The following ZNF562 variants were observed in gnomAD, a reference collection of about 807,000 sequenced individuals.
ZNF562 encodes the protein zinc finger protein 562.
Under a neutral mutation model 17.5 loss-of-function variants are expected in ZNF562, and 13 were observed. The observed-to-expected ratio is 0.74, with a 90% confidence interval of 0.48 to 1.18. The LOEUF (loss-of-function observed/expected upper bound fraction) is 1.18. Ranked by LOEUF, ZNF562 falls within the 50% of genes most tolerant of loss-of-function variation. ZNF562 has a pLI of 0.00. For synonymous variants in ZNF562, 163 were observed against 165.4 expected (o/e 0.99, Z 0.11); for missense variants, 481 against 498.5 (o/e 0.96, Z 0.33).
chr19:9,671,525 A>G (rs1328568238), intron 1 of ZNF562, among the ~76,000 whole-genome samples: 3 of 152,236 alleles, frequency 2.0e-5, no homozygotes, highest in Non-Finnish European at 2.9e-5. Context: ...ACTACCATCC[A>G]TAGACCTCTT....
At chr19:9,655,713 CTTTCTTTTTTTTTTTTTTTTT>C (rs1427538749) in intron 5 of ZNF562, among the ~76,000 whole-genome samples, 378 of 54,590 alleles carry the variant, frequency 6.9e-3, no homozygotes, top group African/African-American at 0.025. Flanking sequence ...ACTTTCTTTT[CTTTCTTTTTTTTTTTTTTTTT>C]TTTTTTTTTT....
rs1568252797 is a variant in ZNF562, at chr19:9,649,172, C to G, written c.*3777G>C. The G allele has an allele frequency of 1.3e-5, 2 of 152,164 alleles. No individual in the cohort carries two copies. Among genetic ancestry groups the G allele is most frequent in the Admixed American group, 1.3e-4 (2 of 15,276 alleles). 9.4% of individuals were successfully genotyped at this position (152,164 alleles called of 1,614,324 possible). A position where few individuals can be genotyped will look rare whatever the true frequency, so the allele number is the denominator to read the frequency against. On this transcript the variant is annotated 3_prime_UTR_variant, in exon 6 of 6. Coordinates refer to ENST00000453372, the MANE Select transcript of ZNF562 (RefSeq NM_001130031.2). ...ATAAATTGTAAAGATTTCATGGACA[C>G]TTATCACTTCCCCAGTCAATACCCT...
intron 1 of ZNF562, among the ~76,000 whole-genome samples, chr19:9,662,905 T>A (rs76427831): frequency 0.1 from 15,579 of 151,624 alleles, 1,104 homozygotes; most frequent in Admixed American, 0.21. Context: ...TCCAACCTAC[T>A]CAGGAGGCTA....
chr19:9,659,659 T>C (rs547209243), intron 2 of ZNF562, among the ~76,000 whole-genome samples, 192 bp from the exon 3 acceptor site: 1 of 152,206 alleles, frequency 6.6e-6, no homozygotes, highest in South Asian at 2.1e-4. Context: ...TGGGCTGAGC[T>C]GCCTGTTGTG....
chr19:9,655,717 C>CTTTCTTTTTTTTTTT (rs2043447309), intron 5 of ZNF562, among the ~76,000 whole-genome samples: 8 of 48,678 alleles, frequency 1.6e-4, no homozygotes, highest in African/African-American at 5.7e-4. Context: ...TCTTTTCTTT[C>CTTTCTTTTTTTTTTT]TTTTTTTTTT....
At chr19:9,659,951 A>C (rs2043666563) in intron 2 of ZNF562, among the ~76,000 whole-genome samples, 2 of 118,340 alleles carry the variant, frequency 1.7e-5, no homozygotes, top group East Asian at 2.2e-4. Context: ...AAAAAAAAAA[A>C]AAAAAAAAAA....
At position 9,653,006 on chromosome 19, in the gene ZNF562, G is replaced by T. The variant is rs1227095485; in HGVS notation, c.1224C>A (p.Thr408=). 7 of 1,539,280 alleles carry T rather than the reference G, an allele frequency of 4.5e-6. No homozygotes were observed. The East Asian group carries it at 1.6e-4, about 35-fold the overall frequency. ...TACTACGATGGGAAGAAGTAATGAA[G>T]GTCTTCCCACATTCAACACATTCAT... The part of the protein sequence containing the change: ...KPYECVECGK[T]FITSSHRSKH... Residue 408 remains threonine, a synonymous_variant, in exon 6 of 6, where the codon ACC becomes ACA. Transcript: ENST00000453372.
At position 9,660,759 on chromosome 19, in the gene ZNF562, G is replaced by A. The variant is rs1427262516; in HGVS notation, c.-15C>T. Reference sequence around the variant, plus strand: ...AAGGCTGACATCCTCTGAAGCTGATGGTGAGATGTGCCTCAATGCTGTCTT... The same window carrying A: ...AAGGCTGACATCCTCTGAAGCTGATAGTGAGATGTGCCTCAATGCTGTCTT... On this transcript the variant is annotated 5_prime_UTR_variant, in exon 2 of 6. Transcript: ENST00000453372. The A allele has an allele frequency of 8.1e-6, 13 of 1,613,232 alleles. No individual in the cohort carries two copies. The highest frequency in any genetic ancestry group is 3.3e-5 in the Admixed American group (2 of 59,898).
chr19:9,660,672 G>T (rs745499679), intron 2 of ZNF562, 48 bp downstream of exon 2: 1 of 1,603,870 alleles, frequency 6.2e-7, no homozygotes, highest in Non-Finnish European at 8.5e-7. Context: ...TGTTGTGGAG[G>T]GCGACCTAAA....
chr19:9,658,918 G>A (rs2043621326), intron 3 of ZNF562, among the ~76,000 whole-genome samples: 2 of 152,162 alleles, frequency 1.3e-5, no homozygotes, highest in South Asian at 4.2e-4. Flanking sequence ...CCAGCCTCCT[G>A]AGTAGCTGGA....
chr19:9,644,254 G>GA lies in ZNF562; in HGVS notation c.*8694dup, dbSNP rs2074792027. On this transcript the variant is annotated 3_prime_UTR_variant, in exon 6 of 6. Coordinates refer to ENST00000453372, the MANE Select transcript of ZNF562 (RefSeq NM_001130031.2). Reference sequence around the variant, plus strand: ...TGCTTCATTGTTAATACTCTGAAAGGATTTATGGAGAATTAGGACCAATTG... The same window carrying GA: ...TGCTTCATTGTTAATACTCTGAAAGGAATTTATGGAGAATTAGGACCAATTG... The GA allele has an allele frequency of 6.6e-6, 1 of 151,776 alleles. No homozygotes were observed. The highest frequency in any genetic ancestry group is 2.1e-4 in the South Asian group (1 of 4,756). The allele number at this position is 151,776 out of a possible 1,614,324, so 9.4% of individuals were successfully genotyped here. A position where few individuals can be genotyped will look rare whatever the true frequency, so the allele number is the denominator to read the frequency against.
Position 9,669,949 on chromosome 19 carries a change from C to T in ZNF562, c.-131+5066G>A, listed in dbSNP as rs959751915. On this transcript the variant is annotated intron_variant, in intron 1 of 5. Coordinates refer to ENST00000453372, the MANE Select transcript of ZNF562 (RefSeq NM_001130031.2). ...TGGTGGCGTGCACCTGTAGTCCCAG[C>T]TACTCCAGAGGCTGAGGTAAGAGAA... is the stretch of plus-strand genomic sequence containing the variant. 3.3e-5 allele frequency among the ~76,000 whole-genome samples: 5 copies of T among 152,218 alleles called. No homozygotes were observed. In the East Asian group the frequency reaches 9.7e-4, roughly 29 times the overall value.
chr19:9,642,192 A>C lies in ZNF562; in HGVS notation c.*10757T>G, dbSNP rs1359198663. ...GGAATATCACAAAGTACATTATCAC[A>C]AGGGCGGGGGGATGTCACAATGGCT... On this transcript the variant is annotated 3_prime_UTR_variant, in exon 6 of 6. Coordinates refer to ENST00000453372, the MANE Select transcript of ZNF562 (RefSeq NM_001130031.2). The C allele has an allele frequency of 1.3e-5, 2 of 151,662 alleles. No homozygotes were observed. The highest frequency in any genetic ancestry group is 4.8e-5 in the African/African-American group (2 of 41,286). 9.4% of individuals were successfully genotyped at this position (151,662 alleles called of 1,614,324 possible). A position where few individuals can be genotyped will look rare whatever the true frequency, so the allele number is the denominator to read the frequency against.
intron 4 of ZNF562, 129 bp downstream of exon 4, chr19:9,657,880 G>T: frequency 2.4e-6 from 3 of 1,242,472 alleles, no homozygotes; most frequent in South Asian, 2.0e-5. Context: ...TTTTAGAGAT[G>T]AGGTTTCACA....
chr19:9,653,712 T>C lies in ZNF562; in HGVS notation c.518A>G (p.Gln173Arg), dbSNP rs2074916875. 6.2e-7 allele frequency: 1 copy of C among 1,614,110 alleles called. No individual in the cohort carries two copies. Among genetic ancestry groups the C allele is most frequent in the Non-Finnish European group, 8.5e-7 (1 of 1,179,958 alleles). The change falls in exon 6 of 6, where the codon CAA (glutamine) becomes CGA (arginine). Residue 173 changes from glutamine to arginine, a missense_variant. By Grantham distance (43) the Gln-to-Arg change is conservative (BLOSUM62 1). This residue lies in a region of ZNF562 where 403 missense variants were observed against 386.4 expected (regional missense o/e 1.04). Coordinates refer to ENST00000453372, the MANE Select transcript of ZNF562 (RefSeq NM_001130031.2). ...ISVHKEASIG[Q>R]ELSKFNPCGK... The stretch of plus-strand genomic sequence containing the variant: ...ACATGGATTAAATTTGGAAAGTTCT[T>C]GTCCAATAGAGGCTTCCTTGTGCAC...
At chr19:9,664,009 C>T (rs571596649) in intron 1 of ZNF562, among the ~76,000 whole-genome samples, 2 of 152,232 alleles carry the variant, frequency 1.3e-5, no homozygotes, top group Admixed American at 6.5e-5. Flanking sequence ...CCTGCCTTGG[C>T]CTCCCAAAGT....
intron 1 of ZNF562, among the ~76,000 whole-genome samples, chr19:9,673,365 A>G (rs1176727712): frequency 6.6e-6 from 1 of 151,890 alleles, no homozygotes; most frequent in East Asian, 1.9e-4. Flanking sequence ...TGCTGAGAAA[A>G]CTTTTGCCTG....
chr19:9,661,702 G>A (rs56361441), intron 1 of ZNF562, among the ~76,000 whole-genome samples: 3 of 152,140 alleles, frequency 2.0e-5, no homozygotes, highest in South Asian at 2.1e-4. Flanking sequence ...TGCTGAGGAA[G>A]GAGAATCGCT....
intron 1 of ZNF562, chr19:9,674,500 G>C (rs2044326213): frequency 6.7e-6 from 1 of 150,228 alleles, no homozygotes; most frequent in Non-Finnish European, 1.5e-5. Flanking sequence ...GGGCGACAGA[G>C]TAAGACTCCA....
Sources: gnomAD v4.1 joint callset for allele counts (sites outside exome capture counted in the v4.1 genomes callset) on GRCh38, gnomAD v4.1.1 for gene constraint, gnomAD v4.1.1 regional missense constraint, MANE v1.5 for transcripts, NCBI Gene and HGNC (gene_info 2026-07-23, HGNC 2026-07-21) for gene names.